Variants in NPEPPS observed in about 807,000 individuals in gnomAD.
NPEPPS encodes the protein aminopeptidase puromycin sensitive, also known as puromycin-sensitive aminopeptidase.
In NPEPPS, 14 loss-of-function variants were observed where a neutral mutation model predicts 115.5. That is an observed-to-expected ratio of 0.12 (90% CI 0.08 to 0.19). NPEPPS has a LOEUF of 0.19. Ranked by LOEUF, NPEPPS falls within the 10% of genes least tolerant of loss-of-function variation. NPEPPS has a pLI of 1.00. For missense variants in NPEPPS, 523 were observed against 1,110.8 expected, an observed-to-expected ratio of 0.47 and a Z score of 7.52; for synonymous variants, 285 against 390.6, an observed-to-expected ratio of 0.73 and a Z score of 3.19.
chr17:47,615,806 CAG>C (rs1296910973), intron 19 of NPEPPS, among the ~76,000 whole-genome samples: 14 of 152,172 alleles, frequency 9.2e-5, no homozygotes, highest in African/African-American at 2.2e-4. Flanking sequence ...TGTATTTATT[CAG>C]AGTTTGCATT....
intron 19 of NPEPPS, among the ~76,000 whole-genome samples, chr17:47,615,141 G>A (rs1462873982): frequency 1.4e-5 from 2 of 143,006 alleles, no homozygotes; most frequent in African/African-American, 2.7e-5. Context: ...GTAGTGGCAC[G>A]ATCTTGGCTC....
At chr17:47,614,696 A>C (rs903200095) in intron 19 of NPEPPS, among the ~76,000 whole-genome samples, 1 of 152,230 alleles carries the variant, frequency 6.6e-6, no homozygotes, top group Non-Finnish European at 1.5e-5. Flanking sequence ...CCGGTCTATA[A>C]AGAAATGGCT....
chr17:47,608,959 TTAGAA>T (rs1050014860), intron 17 of NPEPPS, among the ~76,000 whole-genome samples: 11 of 152,076 alleles, frequency 7.2e-5, no homozygotes, highest in Admixed American at 3.9e-4. Context: ...AGCAGGTTCT[TTAGAA>T]TAGGAGGAGA....
chr17:47,548,021 G>A (rs968262688), intron 2 of NPEPPS, among the ~76,000 whole-genome samples: 5 of 151,914 alleles, frequency 3.3e-5, no homozygotes, highest in East Asian at 1.9e-4. Flanking sequence ...GCGAGACTCC[G>A]TCTCAAAAAA....
chr17:47,611,624 T>C (rs1238629790), intron 17 of NPEPPS, among the ~76,000 whole-genome samples: 1 of 152,090 alleles, frequency 6.6e-6, no homozygotes, highest in African/African-American at 2.4e-5. Context: ...AGACATATGC[T>C]ACCATGCTTG....
chr17:47,550,211 G>A (rs2143730408), intron 2 of NPEPPS, among the ~76,000 whole-genome samples: 1 of 152,104 alleles, frequency 6.6e-6, no homozygotes, highest in South Asian at 2.1e-4. Flanking sequence ...GGGATTAAAG[G>A]TGTGAGCCAC....
At chr17:47,552,983 T>C (rs1251573766) in intron 2 of NPEPPS, among the ~76,000 whole-genome samples, 1 of 152,168 alleles carries the variant, frequency 6.6e-6, no homozygotes, top group African/African-American at 2.4e-5. Flanking sequence ...TCCATGTACT[T>C]GCCACTCTAT....
At chr17:47,543,627 A>G (rs1908952826) in intron 1 of NPEPPS, among the ~76,000 whole-genome samples, 1 of 151,350 alleles carries the variant, frequency 6.6e-6, no homozygotes, top group South Asian at 2.1e-4. Context: ...GTGCCTGGCC[A>G]GGACTATCAT....
At chr17:47,596,488 G>A in intron 13 of NPEPPS, 26 bp downstream of exon 13, 3 of 1,425,806 alleles carry the variant, frequency 2.1e-6, no homozygotes, top group Non-Finnish European at 9.7e-7. Context: ...CTTTCCATTT[G>A]TCTGATATTG....
At chr17:47,603,730 T>C (rs1913365052) in intron 15 of NPEPPS, 185 bp from the exon 16 acceptor site, 3 of 462,214 alleles carry the variant, frequency 6.5e-6, no homozygotes, top group Non-Finnish European at 1.1e-5. Flanking sequence ...GTTTCCCTTT[T>C]CTTTTGTCTG....
chr17:47,566,869 G>A (rs1434944566), intron 2 of NPEPPS, among the ~76,000 whole-genome samples: 5 of 152,128 alleles, frequency 3.3e-5, no homozygotes, highest in Non-Finnish European at 5.9e-5. Context: ...GAATCCAGGA[G>A]TTTGAGACCA....
intron 16 of NPEPPS, 55 bp from the exon 17 acceptor site, chr17:47,605,278 A>T (rs1224999010): frequency 1.5e-6 from 2 of 1,322,812 alleles, no homozygotes; most frequent in Non-Finnish European, 2.1e-6. Flanking sequence ...ATGCATGCTT[A>T]TGTTTTTTGG....
intron 18 of NPEPPS, 26 bp from the exon 19 acceptor site, chr17:47,613,643 A>C (rs1331029921): frequency 1.3e-6 from 2 of 1,567,658 alleles, no homozygotes; most frequent in South Asian, 2.2e-5. Flanking sequence ...CATTTAATCA[A>C]ATGACTTATT....
intron 10 of NPEPPS, 147 bp downstream of exon 10, chr17:47,591,028 T>G: frequency 7.6e-7 from 1 of 1,320,010 alleles, no homozygotes; most frequent in Non-Finnish European, 1.0e-6. Context: ...CTTGAAAAGC[T>G]AGTAAGTCTA....
chr17:47,547,069 A>G (rs1410512659), intron 2 of NPEPPS, among the ~76,000 whole-genome samples: 2 of 152,142 alleles, frequency 1.3e-5, no homozygotes, highest in Non-Finnish European at 2.9e-5. Context: ...TCATACTCCT[A>G]ATTCGGAGAA....
chr17:47,601,253 C>CATAT (rs940070317), intron 14 of NPEPPS, among the ~76,000 whole-genome samples: 1 of 150,990 alleles, frequency 6.6e-6, no homozygotes, highest in Non-Finnish European at 1.5e-5. Flanking sequence ...AATATACATA[C>CATAT]ATATATATAT....
At chr17:47,575,815 A>G (rs1378883133) in intron 3 of NPEPPS, among the ~76,000 whole-genome samples, 2 of 151,866 alleles carry the variant, frequency 1.3e-5, no homozygotes, top group African/African-American at 2.4e-5. Context: ...TCACTGTGTT[A>G]GCCAGGATGG....
At chr17:47,615,282 T>C (rs1168317029) in intron 19 of NPEPPS, among the ~76,000 whole-genome samples, 8 of 152,126 alleles carry the variant, frequency 5.3e-5, no homozygotes, top group Non-Finnish European at 1.0e-4. Flanking sequence ...TTTACCATAT[T>C]GGCCAGGCAG....
At chr17:47,574,361 G>C (rs1025484390) in intron 3 of NPEPPS, among the ~76,000 whole-genome samples, 3 of 151,802 alleles carry the variant, frequency 2.0e-5, no homozygotes. Context: ...TTGAATTGTT[G>C]TTCAGCATTA....
Sources: gnomAD v4.1 joint callset for allele counts (sites outside exome capture counted in the v4.1 genomes callset) on GRCh38, gnomAD v4.1.1 for gene constraint, MANE v1.5 for transcripts, NCBI Gene and HGNC (gene_info 2026-07-23, HGNC 2026-07-21) for gene names.